Variants in OPCML observed in about 807,000 individuals in gnomAD.
OPCML encodes opioid binding protein/cell adhesion molecule like, also known as opioid-binding protein/cell adhesion molecule.
OPCML carries 13 observed loss-of-function variants against 37.8 expected under a neutral mutation model. The ratio of observed to expected loss-of-function variants is 0.34; its 90% CI spans 0.22 to 0.55. The LOEUF (loss-of-function observed/expected upper bound fraction) is 0.55. Ranked by LOEUF, OPCML falls within the 20% of genes least tolerant of loss-of-function variation. OPCML has a pLI of 0.91. For missense variants in OPCML, 341 were observed against 435.6 expected, an observed-to-expected ratio of 0.78 and a Z score of 1.93; for synonymous variants, 176 against 168.8, an observed-to-expected ratio of 1.04 and a Z score of -0.33.
chr11:133,140,689 G>GAAGA (rs1949769215), intron 1 of OPCML, among the ~76,000 whole-genome samples: 2 of 42,856 alleles, frequency 4.7e-5, no homozygotes, highest in Non-Finnish European at 1.0e-4. Context: ...AAGAAAGATG[G>GAAGA]AAGACGGAAG....
chr11:132,496,631 A>G (rs955497160), intron 4 of OPCML, among the ~76,000 whole-genome samples: 3 of 152,186 alleles, frequency 2.0e-5, no homozygotes, highest in Non-Finnish European at 4.4e-5. Flanking sequence ...TCATCACTCA[A>G]TAAATTCAAG....
intron 1 of OPCML, among the ~76,000 whole-genome samples, chr11:133,386,265 G>C (rs564001981): frequency 3.3e-5 from 5 of 152,120 alleles, no homozygotes; most frequent in African/African-American, 1.2e-4. Context: ...ACTTTAATTA[G>C]CATAACATTT....
intron 1 of OPCML, among the ~76,000 whole-genome samples, chr11:133,153,353 C>G (rs1054626112): frequency 2.0e-5 from 3 of 152,176 alleles, no homozygotes; most frequent in African/African-American, 7.2e-5. Flanking sequence ...GAGAGCGAGT[C>G]CTCCAGAGGA....
intron 3 of OPCML, among the ~76,000 whole-genome samples, chr11:132,610,112 A>T (rs546220650): frequency 2.6e-5 from 4 of 152,344 alleles, no homozygotes; most frequent in East Asian, 3.9e-4. Flanking sequence ...GTGCATGAGA[A>T]TCAATTACTC....
intron 2 of OPCML, among the ~76,000 whole-genome samples, chr11:132,905,678 T>C (rs1944215663): frequency 6.6e-6 from 1 of 151,896 alleles, no homozygotes; most frequent in South Asian, 2.1e-4. Flanking sequence ...GAACACCCAA[T>C]AGTGGCAGGA....
chr11:133,486,941 A>G (rs935245692), intron 1 of OPCML, among the ~76,000 whole-genome samples: 4 of 150,764 alleles, frequency 2.7e-5, no homozygotes. Flanking sequence ...CAATGCATCA[A>G]AAACTCTCTG....
rs1366899664 is a variant in OPCML at position 133,007,751 on chromosome 11, G to A, written c.62-64741C>T. 7 of 985,346 alleles carry A rather than the reference G, an allele frequency of 7.1e-6. No individual in the cohort carries two copies. The African/African-American group carries it at 8.7e-5, about 12-fold the overall frequency. The allele number at this position is 985,346 out of a possible 1,614,324, so 61.0% of individuals were successfully genotyped here. ...CAGACCCAGGCCCACACAGAGTGGT[G>A]AAAAGACGCAGGCATAGACATTTTG... On this transcript the variant is annotated intron_variant, in intron 1 of 7. Transcript: ENST00000524381.
chr11:133,441,677 G>A (rs1018682870), intron 1 of OPCML, among the ~76,000 whole-genome samples: 1 of 152,054 alleles, frequency 6.6e-6, no homozygotes, highest in Non-Finnish European at 1.5e-5. Context: ...GAAAGAATAA[G>A]TCATAGTGGA....
At chr11:133,031,016 G>A (rs1371922863) in intron 1 of OPCML, among the ~76,000 whole-genome samples, 1 of 152,186 alleles carries the variant, frequency 6.6e-6, no homozygotes, top group African/African-American at 2.4e-5. Flanking sequence ...AATAGCTTGA[G>A]TAGGATATAA....
At chr11:133,200,358 T>C (rs905858024) in intron 1 of OPCML, among the ~76,000 whole-genome samples, 60 of 152,186 alleles carry the variant, frequency 3.9e-4, no homozygotes, top group Non-Finnish European at 1.2e-4. Flanking sequence ...CATTTTATAC[T>C]TTTTTTGTCA....
chr11:132,503,286 C>A (rs1340414571), intron 4 of OPCML, among the ~76,000 whole-genome samples: 1 of 152,104 alleles, frequency 6.6e-6, no homozygotes, highest in Non-Finnish European at 1.5e-5. Flanking sequence ...AAAGGTTCTC[C>A]TTGGTGCCAT....
chr11:133,423,501 G>T (rs190689174), intron 1 of OPCML: 1 of 985,312 alleles, frequency 1.0e-6, no homozygotes, highest in East Asian at 1.1e-4. Context: ...AGTCATAGAA[G>T]CTCCCAAACT....
At chr11:132,683,589 C>T (rs1443065721) in intron 2 of OPCML, among the ~76,000 whole-genome samples, 1 of 152,192 alleles carries the variant, frequency 6.6e-6, no homozygotes, top group Non-Finnish European at 1.5e-5. Flanking sequence ...ATGACACCAT[C>T]TCAGACTGTG....
intron 1 of OPCML, among the ~76,000 whole-genome samples, chr11:133,279,846 T>C (rs1284066366): frequency 6.6e-6 from 1 of 152,202 alleles, no homozygotes; most frequent in African/African-American, 2.4e-5. Context: ...TTAAATTTAT[T>C]TTTCTCTCAA....
intron 1 of OPCML, chr11:133,360,042 C>T (rs1363364638): frequency 6.6e-6 from 1 of 152,156 alleles, no homozygotes; most frequent in Non-Finnish European, 1.5e-5. Flanking sequence ...TAAAATCCCA[C>T]TAGAAACAGA....
At chr11:132,676,647 A>C (rs1218697979) in intron 2 of OPCML, among the ~76,000 whole-genome samples, 1 of 151,918 alleles carries the variant, frequency 6.6e-6, no homozygotes, top group Admixed American at 6.6e-5. Context: ...ATATTTCTCA[A>C]AGATATATAA....
At chr11:133,124,248 G>A (rs762124804) in intron 1 of OPCML, among the ~76,000 whole-genome samples, 3 of 152,144 alleles carry the variant, frequency 2.0e-5, no homozygotes, top group Non-Finnish European at 4.4e-5. Context: ...TGAAGGTGAA[G>A]GTTAAGCAGT....
intron 1 of OPCML, among the ~76,000 whole-genome samples, chr11:133,176,352 TCATTTGTGGCACTA>T (rs1950374377): frequency 6.6e-6 from 1 of 151,066 alleles, no homozygotes; most frequent in Non-Finnish European, 1.5e-5. Context: ...TTTTTTTTTT[TCATTTGTGGCACTA>T]TTTCAACATG....
chr11:132,734,594 C>A (rs1945189898), intron 2 of OPCML, among the ~76,000 whole-genome samples: 1 of 152,184 alleles, frequency 6.6e-6, no homozygotes, highest in Non-Finnish European at 1.5e-5. Flanking sequence ...GAAACTCAAG[C>A]CTGAAACACT....
Sources: allele counts gnomAD v4.1 joint callset (sites outside exome capture counted in the v4.1 genomes callset), GRCh38; gene constraint gnomAD v4.1.1; transcripts MANE v1.5; gene names NCBI Gene and HGNC (gene_info 2026-07-23, HGNC 2026-07-21).